Variants in CACNA2D3 observed in about 807,000 individuals in gnomAD.
CACNA2D3 encodes calcium voltage-gated channel auxiliary subunit alpha2delta 3.
In CACNA2D3, 60 loss-of-function variants were observed where a neutral mutation model predicts 160.6. The observed-to-expected ratio is 0.37, with a 90% CI of 0.30 to 0.46. CACNA2D3 has a LOEUF of 0.46. Among genes scored for constraint, CACNA2D3 ranks in the 20% least tolerant of loss-of-function variants. The probability of loss-of-function intolerance (pLI) is 1.00; values close to 1 mark genes in which losing one functional copy is unlikely to be tolerated. For missense variants in CACNA2D3, 1,205 were observed against 1,365.0 expected (o/e 0.88, Z 1.85); for synonymous variants, 558 against 492.9 (o/e 1.13, Z -1.75).
chr3:54,535,849 T>C (rs556718144), intron 5 of CACNA2D3, among the ~76,000 whole-genome samples: 1 of 152,332 alleles, frequency 6.6e-6, no homozygotes, highest in African/African-American at 2.4e-5. Flanking sequence ...ATGTCTGATG[T>C]GACTAGAGCC....
intron 13 of CACNA2D3, among the ~76,000 whole-genome samples, chr3:54,813,580 C>A (rs371117907): frequency 2.6e-5 from 4 of 152,198 alleles, no homozygotes; most frequent in Non-Finnish European, 4.4e-5. Context: ...AAGGCAGTTA[C>A]CCCGATTATC....
chr3:54,717,513 CGT>C (rs140092514), intron 11 of CACNA2D3, among the ~76,000 whole-genome samples: 16 of 150,112 alleles, frequency 1.1e-4, no homozygotes, highest in Admixed American at 4.0e-4. Context: ...TCTGTGTATG[CGT>C]GTGTGTGTGT....
At chr3:54,856,259 AG>A in intron 17 of CACNA2D3, among the ~76,000 whole-genome samples, 1 of 78,960 alleles carries the variant, frequency 1.3e-5, no homozygotes, top group Non-Finnish European at 3.2e-5. Context: ...GACAAGAAGG[AG>A]AATTTATGAA....
chr3:54,165,165 T>A (rs1700427697), intron 2 of CACNA2D3, among the ~76,000 whole-genome samples: 1 of 143,620 alleles, frequency 7.0e-6, no homozygotes, highest in Non-Finnish European at 1.5e-5. Context: ...AAGATCGGTC[T>A]TTTTTGATGG....
chr3:54,997,866 G>C (rs1444635029), intron 31 of CACNA2D3, among the ~76,000 whole-genome samples: 1 of 152,184 alleles, frequency 6.6e-6, no homozygotes, highest in Non-Finnish European at 1.5e-5. Context: ...CAATTTTCCA[G>C]ATTCTTCGAT....
chr3:55,060,657 G>A (rs1303284257), intron 35 of CACNA2D3, among the ~76,000 whole-genome samples: 1 of 152,036 alleles, frequency 6.6e-6, no homozygotes, highest in Non-Finnish European at 1.5e-5. Flanking sequence ...TATAAGAAAA[G>A]ACATTAATAG....
At chr3:55,051,846 C>T (rs969487671) in intron 35 of CACNA2D3, among the ~76,000 whole-genome samples, 11 of 152,282 alleles carry the variant, frequency 7.2e-5, no homozygotes, top group South Asian at 2.1e-4. Flanking sequence ...GCGCAGTATT[C>T]GGGTGGGAGT....
intron 4 of CACNA2D3, among the ~76,000 whole-genome samples, chr3:54,415,678 A>G (rs908610117): frequency 6.6e-6 from 1 of 152,170 alleles, no homozygotes; most frequent in African/African-American, 2.4e-5. Context: ...ACATTATTTC[A>G]TTTATTCTTC....
intron 13 of CACNA2D3, among the ~76,000 whole-genome samples, chr3:54,810,828 A>C (rs887884699): frequency 2.0e-4 from 31 of 152,206 alleles, no homozygotes; most frequent in Non-Finnish European, 3.7e-4. Context: ...TGAAACTCTG[A>C]GGTAGAAATG....
At chr3:54,855,326 A>T (rs1037168108) in intron 17 of CACNA2D3, among the ~76,000 whole-genome samples, 5 of 152,162 alleles carry the variant, frequency 3.3e-5, no homozygotes. Flanking sequence ...CTGACCCTTC[A>T]TGCAGATGGG....
At chr3:54,526,212 G>A (rs1701720059) in intron 5 of CACNA2D3, among the ~76,000 whole-genome samples, 1 of 151,918 alleles carries the variant, frequency 6.6e-6, no homozygotes, top group Non-Finnish European at 1.5e-5. Flanking sequence ...TATTTGATGT[G>A]ATGTCGTAAT....
chr3:55,069,384 TTCCC>T (rs1229563144), intron 35 of CACNA2D3, among the ~76,000 whole-genome samples: 1 of 152,208 alleles, frequency 6.6e-6, no homozygotes, highest in East Asian at 1.9e-4. Context: ...ACCATTGTAC[TTCCC>T]TCCAATTTTT....
intron 35 of CACNA2D3, among the ~76,000 whole-genome samples, chr3:55,021,237 T>C (rs189689136): frequency 5.3e-5 from 8 of 152,224 alleles, no homozygotes; most frequent in African/African-American, 9.6e-5. Context: ...GTTTTGGTGA[T>C]TATATTTCTT....
At chr3:54,727,878 G>T (rs1202684479) in intron 11 of CACNA2D3, among the ~76,000 whole-genome samples, 1 of 152,052 alleles carries the variant, frequency 6.6e-6, no homozygotes, top group Non-Finnish European at 1.5e-5. Flanking sequence ...TGCATGTTCT[G>T]CACATGTACC....
chr3:54,934,473 A>G (rs945800905), intron 27 of CACNA2D3, among the ~76,000 whole-genome samples: 4 of 152,168 alleles, frequency 2.6e-5, no homozygotes, highest in Non-Finnish European at 5.9e-5. Context: ...TATTCCGTTT[A>G]CTGCATATGA....
intron 25 of CACNA2D3, 159 bp from the exon 26 acceptor site, chr3:54,896,590 G>A (rs1020209971): frequency 5.6e-6 from 4 of 720,194 alleles, no homozygotes; most frequent in African/African-American, 3.5e-5. Flanking sequence ...GTAATCTGGG[G>A]TGCACAGTGT....
chr3:54,932,519 G>A (rs965971332), intron 27 of CACNA2D3, among the ~76,000 whole-genome samples: 4 of 152,094 alleles, frequency 2.6e-5, no homozygotes, highest in Non-Finnish European at 4.4e-5. Context: ...GCAAGTAAAG[G>A]CACATTTCCT....
intron 2 of CACNA2D3, among the ~76,000 whole-genome samples, chr3:54,262,000 G>T (rs1702409410): frequency 6.6e-6 from 1 of 152,122 alleles, no homozygotes. Flanking sequence ...GTGTCTCCTG[G>T]GGGCTGTGAA....
intron 9 of CACNA2D3, among the ~76,000 whole-genome samples, chr3:54,593,001 T>C (rs1184304476): frequency 6.6e-6 from 1 of 152,168 alleles, no homozygotes; most frequent in Non-Finnish European, 1.5e-5. Flanking sequence ...ATGTTATGAA[T>C]CATAAGCAGA....
Sources: gnomAD v4.1 joint callset for allele counts (sites outside exome capture counted in the v4.1 genomes callset) on GRCh38, gnomAD v4.1.1 for gene constraint, MANE v1.5 for transcripts, NCBI Gene and HGNC (gene_info 2026-07-23, HGNC 2026-07-21) for gene names.